Variants in IQCH observed in about 807,000 individuals in gnomAD.
IQCH encodes the protein IQ domain-containing protein H.
In IQCH, 98 loss-of-function variants were observed where a neutral mutation model predicts 117.0. That is an observed-to-expected ratio of 0.84 (90% CI 0.71 to 0.99). IQCH has a LOEUF of 0.99. IQCH is among the 50% of genes least tolerant of loss of function. IQCH has a pLI of 0.00. For missense variants in IQCH, 1,102 were observed against 1,243.8 expected, an observed-to-expected ratio of 0.89 and a Z score of 1.72; for synonymous variants, 412 against 448.2, an observed-to-expected ratio of 0.92 and a Z score of 1.02.
chr15:67,441,974 C>T (rs2082279258), intron 16 of IQCH, among the ~76,000 whole-genome samples: 1 of 152,128 alleles, frequency 6.6e-6, no homozygotes, highest in African/African-American at 2.4e-5. Flanking sequence ...AAGTCTTTGC[C>T]ATCTATACAT....
intron 12 of IQCH, 75 bp downstream of exon 12, chr15:67,389,081 G>A (rs184370114): frequency 1.4e-4 from 162 of 1,120,686 alleles, no homozygotes; most frequent in Admixed American, 8.0e-4. Context: ...AACTTGCAAC[G>A]CTCTGGTACA....
Position 67,425,353 on chromosome 15 carries a change from C to T in IQCH, c.2505+3776C>T, listed in dbSNP as rs1487460316. Among the ~76,000 whole-genome samples, 1 of 152,192 alleles carries T rather than the reference C, an allele frequency of 6.6e-6. No homozygotes were observed. Among genetic ancestry groups the T allele is most frequent in the African/African-American group, 2.4e-5 (1 of 41,442 alleles). On this transcript the variant is annotated intron_variant, in intron 16 of 20. Transcript: ENST00000335894. The surrounding 1 kb of genome is among the most constrained non-coding windows in gnomAD (Gnocchi z 5.5). ...TTCTGGCCAGGTGCGGTGGCTCACG[C>T]CTGTAATCCCAGCACTTTGGGTGGC...
rs1331415844 is a variant in IQCH at position 67,376,572 on chromosome 15, AC to A, written c.1372+3140del. On this transcript the variant is annotated intron_variant, in intron 10 of 20. Transcript: ENST00000335894. The surrounding 1 kb of genome is among the most constrained non-coding windows in gnomAD (Gnocchi z 5.0). ...CATGCTGCTAGCCAATTGGGGCTGCACTAACTTGTTTGAACCCTTCAAATGA... is the reference window on the plus strand; with the variant it reads ...CATGCTGCTAGCCAATTGGGGCTGCATAACTTGTTTGAACCCTTCAAATGA... 2.6e-5 allele frequency among the ~76,000 whole-genome samples: 4 copies of A among 152,220 alleles called. No homozygotes were observed. The highest frequency in any genetic ancestry group is 5.9e-5 in the Non-Finnish European group (4 of 68,032).
chr15:67,414,503 G>T (rs2081525977), intron 14 of IQCH, among the ~76,000 whole-genome samples: 1 of 151,990 alleles, frequency 6.6e-6, no homozygotes, highest in South Asian at 2.1e-4. Flanking sequence ...CACATTAGGA[G>T]CCAGAGGCCA....
intron 3 of IQCH, among the ~76,000 whole-genome samples, chr15:67,271,859 CA>C (rs528356723): frequency 6.6e-6 from 1 of 151,716 alleles, no homozygotes; most frequent in Non-Finnish European, 1.5e-5. Context: ...TTTATCTTTT[CA>C]AAAAACCACC....
At chr15:67,287,784 G>C (rs1304485476) in intron 4 of IQCH, among the ~76,000 whole-genome samples, 1 of 151,622 alleles carries the variant, frequency 6.6e-6, no homozygotes, top group Non-Finnish European at 1.5e-5. Context: ...GCTAATTTTG[G>C]GTTTGGTTTT....
chr15:67,261,429 G>A, intron 2 of IQCH, 35 bp downstream of exon 2: 1 of 1,539,924 alleles, frequency 6.5e-7, no homozygotes, highest in Non-Finnish European at 8.7e-7. Flanking sequence ...ATACTGGAAG[G>A]AGACAAAGCA....
rs189046340 is a variant in IQCH at position 67,338,674 on chromosome 15, T to C, written c.508+1579T>C. Reference sequence around the variant, plus strand: ...ACTTTTTCTTGAATACCTGGCTAAATCCAAAAAAGAAAGCTTTGCCCCACC... The same window carrying C: ...ACTTTTTCTTGAATACCTGGCTAAACCCAAAAAAGAAAGCTTTGCCCCACC... On this transcript the variant is annotated intron_variant, in intron 5 of 20. Transcript: ENST00000335894. Among the ~76,000 whole-genome samples the C allele has an allele frequency of 4.8e-3, 731 of 152,262 alleles. 6 individuals are homozygous for C. The highest frequency in any genetic ancestry group is 9.0e-3 in the Non-Finnish European group (611 of 67,994).
At chr15:67,269,990 G>GAT (rs1965836338) in intron 3 of IQCH, among the ~76,000 whole-genome samples, 1 of 152,078 alleles carries the variant, frequency 6.6e-6, no homozygotes, top group South Asian at 2.1e-4. Context: ...CTTTCTTTTG[G>GAT]ATATATACCC....
At position 67,500,800 on chromosome 15, in the gene IQCH, A is replaced by G. The variant is rs1409912716; in HGVS notation, c.*54A>G. On this transcript the variant is annotated 3_prime_UTR_variant, in exon 21 of 21. Transcript: ENST00000335894. This position sits in a 1 kb window ranked among gnomAD's most constrained non-coding sequence, Gnocchi z 4.4. ...ATCCCAGTCTGGAATAAAAAGGGCAATTTTTTTTTCTGTTAGAAATAAAAG... is the reference window on the plus strand; with the variant it reads ...ATCCCAGTCTGGAATAAAAAGGGCAGTTTTTTTTTCTGTTAGAAATAAAAG... 2 of 891,746 alleles carry G rather than the reference A, an allele frequency of 2.2e-6. No individual in the cohort carries two copies. The highest frequency in any genetic ancestry group is 2.8e-5 in the Admixed American group (1 of 35,662). The allele number at this position is 891,746 out of a possible 1,614,324, so 55.2% of individuals were successfully genotyped here. A position where few individuals can be genotyped will look rare whatever the true frequency, so the allele number is the denominator to read the frequency against.
At chr15:67,485,799 C>T (rs1204427524) in intron 18 of IQCH, among the ~76,000 whole-genome samples, 2 of 152,016 alleles carry the variant, frequency 1.3e-5, no homozygotes, top group Non-Finnish European at 2.9e-5. Flanking sequence ...GCTGGGACTA[C>T]AGGCACGCGC....
chr15:67,486,664 A>G (rs1434953463), intron 18 of IQCH, among the ~76,000 whole-genome samples: 1 of 152,260 alleles, frequency 6.6e-6, no homozygotes, highest in Non-Finnish European at 1.5e-5. Context: ...TCCAATAGAA[A>G]TATAATGAAA....
At chr15:67,437,070 GC>G (rs2082156330) in intron 16 of IQCH, among the ~76,000 whole-genome samples, 1 of 152,084 alleles carries the variant, frequency 6.6e-6, no homozygotes, top group Non-Finnish European at 1.5e-5. Context: ...TCTGGAAAGC[GC>G]CACGTCCTGG....
At chr15:67,428,847 C>CAAA (rs541782495) in intron 16 of IQCH, among the ~76,000 whole-genome samples, 7 of 81,212 alleles carry the variant, frequency 8.6e-5, no homozygotes, top group Admixed American at 1.3e-4. Context: ...GACTCTGTCT[C>CAAA]AAAAAAAAAA....
chr15:67,377,140 GAAAA>G (rs1158585994), intron 10 of IQCH, among the ~76,000 whole-genome samples: 4 of 146,272 alleles, frequency 2.7e-5, no homozygotes, highest in South Asian at 2.2e-4. Flanking sequence ...AAGAAAAAAA[GAAAA>G]AAAGAAAGGA....
intron 4 of IQCH, among the ~76,000 whole-genome samples, chr15:67,309,127 A>G (rs1287195996): frequency 1.3e-5 from 2 of 152,116 alleles, no homozygotes; most frequent in Non-Finnish European, 2.9e-5. Context: ...AAAAGTATCT[A>G]TCTCATAGGA....
chr15:67,449,585 T>G (rs2082470424), intron 16 of IQCH, among the ~76,000 whole-genome samples: 1 of 152,202 alleles, frequency 6.6e-6, no homozygotes. Flanking sequence ...TTGGTCTATA[T>G]CTCTGTTTTG....
In IQCH at chr15:67,369,502, AAGAG is replaced by A. The variant is rs112415752; in HGVS notation, c.754-2607_754-2604del. ...GAGAGGAAGGAAGAGAAAAAGAAAA[AAGAG>A]AAAGAAGAGAGGGAAGGGGAAAGAA... is the stretch of plus-strand genomic sequence containing the variant. On this transcript the variant is annotated intron_variant, in intron 8 of 20. Transcript: ENST00000335894. This position sits in a 1 kb window ranked among gnomAD's most constrained non-coding sequence, Gnocchi z 5.2. 6.9e-6 allele frequency among the ~76,000 whole-genome samples: 1 copy of A among 144,924 alleles called. No homozygotes were observed. The highest frequency in any genetic ancestry group is 2.2e-4 in the South Asian group (1 of 4,542).
intron 8 of IQCH, among the ~76,000 whole-genome samples, chr15:67,368,739 C>T (rs58518899): frequency 6.6e-6 from 1 of 152,180 alleles, no homozygotes; most frequent in African/African-American, 2.4e-5. Flanking sequence ...CCATTTGCCA[C>T]TATGAGATCC....
Sources: allele counts gnomAD v4.1 joint callset (sites outside exome capture counted in the v4.1 genomes callset), GRCh38; gene constraint gnomAD v4.1.1; non-coding constraint Gnocchi (gnomAD v3.1); transcripts MANE v1.5; gene names NCBI Gene and HGNC (gene_info 2026-07-23, HGNC 2026-07-21).